LIFR: variants seen among roughly 807,000 people sequenced by gnomAD.
The protein encoded by LIFR is LIF receptor subunit alpha, also known as leukemia inhibitory factor receptor.
In LIFR, 84 loss-of-function variants were observed where a neutral mutation model predicts 122.2. The observed-to-expected ratio is 0.69, with a 90% CI of 0.58 to 0.82. The LOEUF is 0.82. Ranked by LOEUF, LIFR falls within the 40% of genes least tolerant of loss-of-function variation. The pLI, the probability that LIFR is intolerant of heterozygous loss-of-function variation, is 0.00. For synonymous variants in LIFR, 422 were observed against 434.7 expected, an observed-to-expected ratio of 0.97 and a Z score of 0.36; for missense variants, 1,294 against 1,311.6, an observed-to-expected ratio of 0.99 and a Z score of 0.21.
intron 1 of LIFR, among the ~76,000 whole-genome samples, chr5:38,569,805 C>G (rs1749151426): frequency 1.3e-5 from 2 of 152,202 alleles, no homozygotes; most frequent in Non-Finnish European, 2.9e-5. Flanking sequence ...AAGGCTATAT[C>G]AAATTCTACC....
intron 1 of LIFR, among the ~76,000 whole-genome samples, chr5:38,535,310 G>A (rs1747237727): frequency 6.6e-6 from 1 of 152,164 alleles, no homozygotes; most frequent in South Asian, 2.1e-4. Context: ...CTAGCAGGAG[G>A]TATGTTTGTC....
chr5:38,486,732 G>T (rs1744304997), intron 16 of LIFR, among the ~76,000 whole-genome samples: 1 of 150,766 alleles, frequency 6.6e-6, no homozygotes, highest in African/African-American at 2.4e-5. Flanking sequence ...AGAGAGATGT[G>T]ACTTTTAACT....
chr5:38,543,980 G>A (rs760608267), intron 1 of LIFR, among the ~76,000 whole-genome samples: 1 of 151,882 alleles, frequency 6.6e-6, no homozygotes, highest in Non-Finnish European at 1.5e-5. Context: ...TCAAAATATA[G>A]CTAATTTATT....
At chr5:38,526,277 G>A (rs1312500950) in intron 4 of LIFR, among the ~76,000 whole-genome samples, 10 of 152,114 alleles carry the variant, frequency 6.6e-5, no homozygotes, top group Non-Finnish European at 1.5e-5. Flanking sequence ...AAGAAGATAA[G>A]AGTATTCCCA....
At chr5:38,537,591 C>A (rs891450526) in intron 1 of LIFR, among the ~76,000 whole-genome samples, 5 of 151,926 alleles carry the variant, frequency 3.3e-5, no homozygotes, top group South Asian at 2.1e-4. Flanking sequence ...GAAAACATGA[C>A]GAAAACTTAT....
intron 17 of LIFR, 31 bp downstream of exon 17, chr5:38,485,788 G>T: frequency 6.2e-7 from 1 of 1,612,922 alleles, no homozygotes; most frequent in Non-Finnish European, 8.5e-7. Flanking sequence ...ATGCAGGATG[G>T]AAAGCACCTC....
chr5:38,476,757 T>C lies in LIFR; in HGVS notation c.*4838A>G, dbSNP rs1743741871. 1.4e-5 allele frequency: 3 copies of C among 210,506 alleles called. No homozygotes were observed. The highest frequency in any genetic ancestry group is 1.9e-5 in the Non-Finnish European group (2 of 103,814). The allele number at this position is 210,506 out of a possible 1,614,324, so 13.0% of individuals were successfully genotyped here. A position where few individuals can be genotyped will look rare whatever the true frequency, so the allele number is the denominator to read the frequency against. ...AGCTTTTGATGTACTGTTTCTACGG[T>C]TCTTTAGGCACTTACACATAAAAAC... On this transcript the variant is annotated 3_prime_UTR_variant, in exon 20 of 20. Coordinates refer to ENST00000453190, the MANE Select transcript of LIFR (RefSeq NM_001127671.2).
At chr5:38,487,083 C>A (rs918503637) in intron 16 of LIFR, among the ~76,000 whole-genome samples, 10 of 152,254 alleles carry the variant, frequency 6.6e-5, no homozygotes, top group Middle Eastern at 3.4e-3. Context: ...CACATCTTCT[C>A]TGCCCTCCCC....
chr5:38,570,591 A>G (rs1580208976), intron 1 of LIFR, among the ~76,000 whole-genome samples: 1 of 152,230 alleles, frequency 6.6e-6, no homozygotes, highest in Non-Finnish European at 1.5e-5. Context: ...AGTACAAAGC[A>G]TCATATTTAT....
At chr5:38,539,867 A>T (rs1281827998) in intron 1 of LIFR, among the ~76,000 whole-genome samples, 1 of 152,188 alleles carries the variant, frequency 6.6e-6, no homozygotes, top group Non-Finnish European at 1.5e-5. Context: ...ATTAAGGAGC[A>T]GCCACTTTTC....
At chr5:38,532,810 T>C (rs80310089) in intron 1 of LIFR, among the ~76,000 whole-genome samples, 1 of 152,230 alleles carries the variant, frequency 6.6e-6, no homozygotes, top group Admixed American at 6.5e-5. Flanking sequence ...AAAAAAGTGA[T>C]GCTTGTGAAG....
intron 1 of LIFR, among the ~76,000 whole-genome samples, chr5:38,577,422 C>T (rs1052511556): frequency 2.0e-5 from 3 of 152,144 alleles, no homozygotes; most frequent in African/African-American, 7.2e-5. Context: ...CAAATCTCCC[C>T]GGTGCCAGTC....
intron 1 of LIFR, among the ~76,000 whole-genome samples, chr5:38,594,363 A>C (rs1452420801): frequency 1.3e-5 from 2 of 152,202 alleles, no homozygotes; most frequent in Non-Finnish European, 2.9e-5. Context: ...ATAACGGTGC[A>C]TATATGTCAT....
intron 1 of LIFR, among the ~76,000 whole-genome samples, chr5:38,594,130 G>A (rs549862628): frequency 2.0e-5 from 3 of 152,120 alleles, no homozygotes; most frequent in African/African-American, 4.8e-5. Flanking sequence ...AAACCTTTGC[G>A]CATGTTTTTT....
At chr5:38,564,780 A>G (rs1748962212) in intron 1 of LIFR, among the ~76,000 whole-genome samples, 1 of 141,726 alleles carries the variant, frequency 7.1e-6, no homozygotes, top group African/African-American at 2.6e-5. Context: ...ACACACACAT[A>G]TATTTTTTTT....
At chr5:38,513,394 T>C (rs1014574255) in intron 5 of LIFR, among the ~76,000 whole-genome samples, 2 of 152,320 alleles carry the variant, frequency 1.3e-5, no homozygotes, top group East Asian at 3.9e-4. Flanking sequence ...TGCTTGAAAG[T>C]TGTTTGAAGA....
At chr5:38,538,350 T>C (rs1488186663) in intron 1 of LIFR, among the ~76,000 whole-genome samples, 1 of 152,256 alleles carries the variant, frequency 6.6e-6, no homozygotes, top group Non-Finnish European at 1.5e-5. Flanking sequence ...TTCCCAGGAT[T>C]GGCCTCTTCC....
intron 5 of LIFR, among the ~76,000 whole-genome samples, 183 bp downstream of exon 5, chr5:38,523,236 C>T (rs1746496547): frequency 6.6e-6 from 1 of 152,146 alleles, no homozygotes. Flanking sequence ...GTAATGGTTA[C>T]ACATCATTTA....
chr5:38,585,698 T>C (rs985210058), intron 1 of LIFR, among the ~76,000 whole-genome samples: 1 of 152,174 alleles, frequency 6.6e-6, no homozygotes, highest in Non-Finnish European at 1.5e-5. Context: ...ATATGAACCA[T>C]TGTAAATGGT....
Sources: allele counts gnomAD v4.1 joint callset (sites outside exome capture counted in the v4.1 genomes callset), GRCh38; gene constraint gnomAD v4.1.1; transcripts MANE v1.5; gene names NCBI Gene and HGNC (gene_info 2026-07-23, HGNC 2026-07-21).